AGAP1: variants seen among roughly 807,000 people sequenced by gnomAD.
AGAP1 encodes ArfGAP with GTPase domain, ankyrin repeat and PH domain 1.
In AGAP1, 29 loss-of-function variants were observed where a neutral mutation model predicts 105.3. The ratio of observed to expected loss-of-function variants is 0.28; its 90% CI spans 0.21 to 0.38. The LOEUF (loss-of-function observed/expected upper bound fraction) is 0.38, where lower values mean the gene tolerates loss of function less well. AGAP1 is among the 10% of genes least tolerant of loss of function. The pLI is 1.00. For missense variants in AGAP1, 998 were observed against 1,165.1 expected (o/e 0.86, Z 2.09); for synonymous variants, 509 against 485.9 (o/e 1.05, Z -0.63).
intron 1 of AGAP1, chr2:235,671,131 G>A (rs1948396110): frequency 2.4e-6 from 3 of 1,232,632 alleles, no homozygotes; most frequent in African/African-American, 3.1e-5. Context: ...AGCGGCTATG[G>A]GACCCGCCCT....
intron 9 of AGAP1, among the ~76,000 whole-genome samples, chr2:235,863,129 A>G (rs934807958): frequency 1.3e-5 from 2 of 152,180 alleles, no homozygotes; most frequent in African/African-American, 4.8e-5. Context: ...TGAACATTTG[A>G]TATTTGCCAG....
At chr2:235,841,823 T>C (rs1960885420) in intron 9 of AGAP1, among the ~76,000 whole-genome samples, 1 of 152,284 alleles carries the variant, frequency 6.6e-6, no homozygotes, top group African/African-American at 2.4e-5. Context: ...GAGCATAAGT[T>C]ATATTCCTGC....
chr2:235,514,158 G>GC (rs879849863), intron 1 of AGAP1, among the ~76,000 whole-genome samples: 1 of 66,208 alleles, frequency 1.5e-5, no homozygotes, highest in Non-Finnish European at 3.2e-5. Flanking sequence ...GCGCGTGCGC[G>GC]CGCGCACACA....
At chr2:235,573,313 G>C (rs1012565901) in intron 1 of AGAP1, among the ~76,000 whole-genome samples, 1 of 151,562 alleles carries the variant, frequency 6.6e-6, no homozygotes, top group Non-Finnish European at 1.5e-5. Context: ...TCAAATTCTT[G>C]GGCTGAAGTG....
At chr2:235,511,029 G>A (rs941408977) in intron 1 of AGAP1, among the ~76,000 whole-genome samples, 3 of 152,124 alleles carry the variant, frequency 2.0e-5, no homozygotes, top group African/African-American at 7.2e-5. Context: ...TGCAAGCATT[G>A]TAGCCCCCAA....
rs751193768 is a variant in AGAP1 at position 236,038,815 on chromosome 2, T to TTGTGTGTGTG, written c.1801-1933_1801-1932insGTGTGTGTGT. On this transcript the variant is annotated intron_variant, in intron 14 of 17. Coordinates refer to ENST00000304032, the MANE Select transcript of AGAP1 (RefSeq NM_001037131.3). The surrounding 1 kb of genome is among the most constrained non-coding windows in gnomAD (Gnocchi z 4.5). The stretch of plus-strand genomic sequence containing the variant: ...CACAGAGAGACAGAGGCACATCCCT[T>TTGTGTGTGTG]TGTATGTGTGTGTGTGTGTGTGTGT... Among the ~76,000 whole-genome samples the TTGTGTGTGTG allele has an allele frequency of 8.6e-5, 11 of 128,638 alleles. No individual in the cohort carries two copies. In the South Asian group the frequency reaches 2.2e-3, roughly 26 times the overall value. The allele number at this position is 128,638 out of a possible 152,430, so 84.4% of individuals were successfully genotyped here.
In AGAP1 at chr2:235,552,108, C is replaced by T. The variant is rs547390893; in HGVS notation, c.163+57259C>T. Among the ~76,000 whole-genome samples the T allele has an allele frequency of 1.4e-4, 21 of 152,122 alleles. No individual in the cohort carries two copies. Among genetic ancestry groups the T allele is most frequent in the African/African-American group, 4.6e-4 (19 of 41,492 alleles). ...CTGTTCAGTGCCCCATAACTGGCCG[C>T]GGTACTGCCACCCGCTGGAAGGGGC... On this transcript the variant is annotated intron_variant, in intron 1 of 17. Transcript: ENST00000304032. This position sits in a 1 kb window ranked among gnomAD's most constrained non-coding sequence, Gnocchi z 5.9.
rs1295897946 is a variant in AGAP1 at position 236,078,326 on chromosome 2, G to T, written c.2114+29045G>T. Among the ~76,000 whole-genome samples, 1 of 152,072 alleles carries T rather than the reference G, an allele frequency of 6.6e-6. No homozygotes were observed. Among genetic ancestry groups the T allele is most frequent in the Non-Finnish European group, 1.5e-5 (1 of 68,028 alleles). ...TTGGGCTCTCACCTGATGGGATGAG[G>T]CCCACCTGCTTTCTCAAGGATAATT... On this transcript the variant is annotated intron_variant, in intron 16 of 17. Transcript: ENST00000304032. The surrounding 1 kb of genome is among the most constrained non-coding windows in gnomAD (Gnocchi z 5.3).
intron 1 of AGAP1, among the ~76,000 whole-genome samples, chr2:235,593,895 G>A (rs760334482): frequency 1.1e-4 from 16 of 152,204 alleles, no homozygotes; most frequent in Middle Eastern, 3.4e-3. Flanking sequence ...CTTGAGCCCC[G>A]GAGTTCAAGG....
chr2:235,553,037 T>G lies in AGAP1; in HGVS notation c.163+58188T>G, dbSNP rs1462526776. Among the ~76,000 whole-genome samples the G allele has an allele frequency of 5.9e-5, 9 of 152,210 alleles. No homozygotes were observed. Among genetic ancestry groups the G allele is most frequent in the Admixed American group, 5.9e-4 (9 of 15,286 alleles). ...GTTTTCAGTCAGCTCCCTAGCTGGG[T>G]GGTTCCTCTGAGCCTCTGCTTTATT... On this transcript the variant is annotated intron_variant, in intron 1 of 17. Transcript: ENST00000304032. This position sits in a 1 kb window ranked among gnomAD's most constrained non-coding sequence, Gnocchi z 4.5.
Position 235,875,461 on chromosome 2 carries a change from TGTGATGCCCACGAGGCTGTGC to T in AGAP1, c.1051-7882_1051-7862del, listed in dbSNP as rs1482552447. On this transcript the variant is annotated intron_variant, in intron 9 of 17. Coordinates refer to ENST00000304032, the MANE Select transcript of AGAP1 (RefSeq NM_001037131.3). This position sits in a 1 kb window ranked among gnomAD's most constrained non-coding sequence, Gnocchi z 4.0. The stretch of plus-strand genomic sequence containing the variant: ...CAGGGCTGAGAACCCAGCACAGGTC[TGTGATGCCCACGAGGCTGTGC>T]GGCTCAGGGCCAGGTCGGTTTTGAG... 1.3e-5 allele frequency among the ~76,000 whole-genome samples: 2 copies of T among 152,208 alleles called. No homozygotes were observed. Among genetic ancestry groups the T allele is most frequent in the African/African-American group, 4.8e-5 (2 of 41,458 alleles).
In AGAP1 at chr2:235,889,067, G is replaced by A. The variant is rs1480569587; in HGVS notation, c.1155+5618G>A. On this transcript the variant is annotated intron_variant, in intron 10 of 17. Transcript: ENST00000304032. The surrounding 1 kb of genome is among the most constrained non-coding windows in gnomAD (Gnocchi z 4.6). Reference sequence around the variant, plus strand: ...TTATTGCACAAGTGTCCACGGAAGTGTTTGTGTGAAAGATCGATCACCTTT... The same window carrying A: ...TTATTGCACAAGTGTCCACGGAAGTATTTGTGTGAAAGATCGATCACCTTT... Among the ~76,000 whole-genome samples the A allele has an allele frequency of 6.6e-6, 1 of 152,222 alleles. No homozygotes were observed. The highest frequency in any genetic ancestry group is 2.4e-5 in the African/African-American group (1 of 41,454).
chr2:235,833,287 A>T (rs1312363924), intron 9 of AGAP1, among the ~76,000 whole-genome samples: 5 of 152,226 alleles, frequency 3.3e-5, no homozygotes, highest in African/African-American at 1.2e-4. Flanking sequence ...CACGTGGCCA[A>T]ATGAGCAGGA....
intron 6 of AGAP1, among the ~76,000 whole-genome samples, chr2:235,757,124 A>G (rs1203332336): frequency 6.6e-6 from 1 of 152,248 alleles, no homozygotes; most frequent in Non-Finnish European, 1.5e-5. Context: ...ACCTACATGC[A>G]GAACTTTGAT....
rs11688131 is a variant in AGAP1, at chr2:235,889,242, T to G, written c.1155+5793T>G. 0.046 allele frequency among the ~76,000 whole-genome samples: 6,968 copies of G among 152,286 alleles called. 380 individuals are homozygous for G. The highest frequency in any genetic ancestry group is 0.13 in the African/African-American group (5,344 of 41,548). ...GAATCCCAGCAGGATGACCTGCTCT[T>G]TGAAACTGTGGCTTCAGAACAAAGC... is the stretch of plus-strand genomic sequence containing the variant. On this transcript the variant is annotated intron_variant, in intron 10 of 17. Coordinates refer to ENST00000304032, the MANE Select transcript of AGAP1 (RefSeq NM_001037131.3). The surrounding 1 kb of genome is among the most constrained non-coding windows in gnomAD (Gnocchi z 4.6).
intron 16 of AGAP1, among the ~76,000 whole-genome samples, chr2:236,068,272 A>G (rs1430506369): frequency 1.3e-5 from 2 of 152,008 alleles, no homozygotes; most frequent in East Asian, 1.9e-4. Flanking sequence ...CTCCATCTCA[A>G]AAAAACAAAA....
chr2:236,010,970 C>G (rs2056490676), intron 13 of AGAP1, among the ~76,000 whole-genome samples: 1 of 152,146 alleles, frequency 6.6e-6, no homozygotes, highest in African/African-American at 2.4e-5. Context: ...TGGCTTGAAC[C>G]TGGGAGGTGG....
Position 235,720,910 on chromosome 2 carries a change from G to T in AGAP1, c.310+3266G>T, listed in dbSNP as rs1951349838. On this transcript the variant is annotated intron_variant, in intron 3 of 17. Coordinates refer to ENST00000304032, the MANE Select transcript of AGAP1 (RefSeq NM_001037131.3). This position sits in a 1 kb window ranked among gnomAD's most constrained non-coding sequence, Gnocchi z 5.0. ...ATGCATTTTAGCTCCATCCCAGAGG[G>T]TAATATCTGCTGTCTTTTCGTTGTA... Among the ~76,000 whole-genome samples the T allele has an allele frequency of 6.6e-6, 1 of 152,156 alleles. No individual in the cohort carries two copies. The highest frequency in any genetic ancestry group is 1.5e-5 in the Non-Finnish European group (1 of 68,034).
At position 235,700,433 on chromosome 2, in the gene AGAP1, G is replaced by A. The variant is rs1950193497; in HGVS notation, c.164-8746G>A. On this transcript the variant is annotated intron_variant, in intron 1 of 17. Transcript: ENST00000304032. The surrounding 1 kb of genome is among the most constrained non-coding windows in gnomAD (Gnocchi z 6.1). Reference sequence around the variant, plus strand: ...GCAGTGCTTTACACACCCACGACAAGGGCGTTCTTGGGGAACACCGTGATT... The same window carrying A: ...GCAGTGCTTTACACACCCACGACAAAGGCGTTCTTGGGGAACACCGTGATT... Among the ~76,000 whole-genome samples, 1 of 152,112 alleles carries A rather than the reference G, an allele frequency of 6.6e-6. No individual in the cohort carries two copies. Among genetic ancestry groups the A allele is most frequent in the Non-Finnish European group, 1.5e-5 (1 of 68,036 alleles).
Sources: gnomAD v4.1 joint callset for allele counts (sites outside exome capture counted in the v4.1 genomes callset) on GRCh38, gnomAD v4.1.1 for gene constraint, Gnocchi (gnomAD v3.1) non-coding constraint, MANE v1.5 for transcripts, NCBI Gene and HGNC (gene_info 2026-07-23, HGNC 2026-07-21) for gene names.